PDE1C: variants seen among roughly 807,000 people sequenced by gnomAD.
The protein encoded by PDE1C is dual specificity calcium/calmodulin-dependent 3',5'-cyclic nucleotide phosphodiesterase 1C.
PDE1C carries 62 observed loss-of-function variants against 93.1 expected under a neutral mutation model. The observed-to-expected ratio is 0.67, with a 90% CI of 0.54 to 0.82. PDE1C has a LOEUF of 0.82. Ranked by LOEUF, PDE1C falls within the 40% of genes least tolerant of loss-of-function variation. The pLI, the probability that PDE1C is intolerant of heterozygous loss-of-function variation, is 0.00. For synonymous variants in PDE1C, 325 were observed against 310.1 expected (o/e 1.05, Z -0.50); for missense variants, 742 against 884.6 (o/e 0.84, Z 2.04).
chr7:32,203,894 C>CACAGATAGAAAATTCGCTCTCT (rs1562574749), intron 2 of PDE1C, among the ~76,000 whole-genome samples: 2 of 151,946 alleles, frequency 1.3e-5, no homozygotes, highest in Non-Finnish European at 2.9e-5. Flanking sequence ...ATTCGCTCTC[C>CACAGATAGAAAATTCGCTCTCT]CTGTGGATCT....
At chr7:32,395,343 A>C (rs1282149841) in intron 1 of PDE1C, among the ~76,000 whole-genome samples, 1 of 152,182 alleles carries the variant, frequency 6.6e-6, no homozygotes, top group Admixed American at 6.5e-5. Context: ...TCTTCAACTG[A>C]GTTTACAGAG....
At chr7:31,714,986 C>T in the PDE1C span, among the ~76,000 whole-genome samples, 2 of 152,256 alleles carry the variant, frequency 1.3e-5, no homozygotes, top group East Asian at 3.9e-4. Context: ...GCATCTAAGG[C>T]ATCTGCTTTA....
chr7:32,063,922 A>G (rs1388808749), intron 1 of PDE1C, among the ~76,000 whole-genome samples: 1 of 152,034 alleles, frequency 6.6e-6, no homozygotes, highest in African/African-American at 2.4e-5. Context: ...GATGGTAAGG[A>G]TTTTCTTCTG....
intron 2 of PDE1C, among the ~76,000 whole-genome samples, chr7:31,926,261 T>G (rs1013458185): frequency 3.6e-4 from 55 of 152,164 alleles, no homozygotes; most frequent in Non-Finnish European, 1.8e-4. Flanking sequence ...AAATAAAATG[T>G]TTTCCTACTC....
chr7:32,311,647 T>C (rs1447997256), intron 1 of PDE1C, among the ~76,000 whole-genome samples: 62 of 152,040 alleles, frequency 4.1e-4, no homozygotes, highest in African/African-American at 1.5e-3. Context: ...GAACCAAAGA[T>C]AAAAACCACA....
At chr7:31,642,625 A>T in the PDE1C span, 1 of 1,488,992 alleles carries the variant, frequency 6.7e-7, no homozygotes, top group Non-Finnish European at 9.2e-7. Flanking sequence ...CTCACCTTAA[A>T]CCTATTGCCT....
At chr7:32,387,934 C>T (rs986823692) in intron 1 of PDE1C, among the ~76,000 whole-genome samples, 4 of 152,192 alleles carry the variant, frequency 2.6e-5, no homozygotes, top group Non-Finnish European at 4.4e-5. Flanking sequence ...GTCAGCTCTT[C>T]CAAAGCTTTC....
intron 1 of PDE1C, among the ~76,000 whole-genome samples, chr7:32,393,570 C>T (rs1784789861): frequency 6.6e-6 from 1 of 152,090 alleles, no homozygotes; most frequent in Non-Finnish European, 1.5e-5. Flanking sequence ...TAATTATTGT[C>T]ATTTTCCTAG....
intron 1 of PDE1C, among the ~76,000 whole-genome samples, chr7:32,392,047 C>A (rs1784760214): frequency 6.6e-6 from 1 of 151,698 alleles, no homozygotes; most frequent in Admixed American, 6.6e-5. Context: ...AAAGTTGGTT[C>A]TTTGAGAAGA....
At chr7:32,310,012 T>C (rs1032355365) in intron 1 of PDE1C, among the ~76,000 whole-genome samples, 9 of 152,142 alleles carry the variant, frequency 5.9e-5, no homozygotes, top group Middle Eastern at 3.2e-3. Context: ...ACCCATGTCA[T>C]GTGCAGAGAC....
chr7:32,172,550 T>C (rs1030797181), intron 2 of PDE1C, among the ~76,000 whole-genome samples: 1 of 152,086 alleles, frequency 6.6e-6, no homozygotes. Context: ...CAGTCAGGCA[T>C]GGTGGCTCAC....
chr7:32,132,781 A>T (rs1332939774), intron 3 of PDE1C, among the ~76,000 whole-genome samples: 1 of 152,192 alleles, frequency 6.6e-6, no homozygotes. Context: ...TATTTTAGTA[A>T]TCAGATGAAA....
chr7:32,094,526 G>A (rs11761910), intron 3 of PDE1C, among the ~76,000 whole-genome samples: 45,570 of 152,108 alleles, frequency 0.3, 7,037 homozygotes, highest in East Asian at 0.45. Flanking sequence ...AAACTGCTGT[G>A]AAAGAGAAGC....
At chr7:31,946,481 C>T (rs1204850811) in intron 2 of PDE1C, among the ~76,000 whole-genome samples, 3 of 152,196 alleles carry the variant, frequency 2.0e-5, no homozygotes, top group Non-Finnish European at 2.9e-5. Flanking sequence ...TTGCTTCTAG[C>T]ATTCCCAGGC....
At chr7:32,271,260 T>A (rs539397446) in intron 1 of PDE1C, among the ~76,000 whole-genome samples, 18 of 152,366 alleles carry the variant, frequency 1.2e-4, no homozygotes, top group African/African-American at 4.3e-4. Flanking sequence ...CTAATCTACT[T>A]GACAGGGATG....
At chr7:32,118,323 T>C (rs990603557) in intron 3 of PDE1C, among the ~76,000 whole-genome samples, 2 of 152,158 alleles carry the variant, frequency 1.3e-5, no homozygotes, top group African/African-American at 4.8e-5. Context: ...GGCTCTTTCT[T>C]TACTGTTCAA....
intron 2 of PDE1C, among the ~76,000 whole-genome samples, chr7:31,907,297 G>A (rs1191093836): frequency 6.6e-6 from 1 of 151,976 alleles, no homozygotes; most frequent in Non-Finnish European, 1.5e-5. Flanking sequence ...GCCTGCCTAG[G>A]TAAGATCAAC....
chr7:31,694,961 C>A, the PDE1C span, among the ~76,000 whole-genome samples: 2 of 152,036 alleles, frequency 1.3e-5, no homozygotes, highest in Non-Finnish European at 2.9e-5. Flanking sequence ...AATACAAAAC[C>A]CAAGGTCTGG....
chr7:32,393,453 A>G (rs1194094949), intron 1 of PDE1C, among the ~76,000 whole-genome samples: 1 of 152,208 alleles, frequency 6.6e-6, no homozygotes, highest in Non-Finnish European at 1.5e-5. Context: ...TTAAGTTTCC[A>G]GAGACCTACA....
Sources: allele counts gnomAD v4.1 joint callset (sites outside exome capture counted in the v4.1 genomes callset), GRCh38; gene constraint gnomAD v4.1.1; transcripts MANE v1.5; gene names NCBI Gene and HGNC (gene_info 2026-07-23, HGNC 2026-07-21).